The following PCDHGA3 variants were observed in gnomAD, a reference collection of about 807,000 sequenced individuals.
The protein encoded by PCDHGA3 is protocadherin gamma subfamily A, 3.
A neutral mutation model predicts 58.5 loss-of-function variants in PCDHGA3; 40 were observed. That is an observed-to-expected ratio of 0.68 (90% CI 0.53 to 0.89). PCDHGA3 has a LOEUF of 0.89. Among genes scored for constraint, PCDHGA3 ranks in the 40% least tolerant of loss-of-function variants. The probability of loss-of-function intolerance (pLI) is 0.00; values close to 1 mark genes in which losing one functional copy is unlikely to be tolerated. For synonymous variants in PCDHGA3, 530 were observed against 525.7 expected (o/e 1.01, Z -0.11); for missense variants, 1,223 against 1,195.9 (o/e 1.02, Z -0.33).
intron 1 of PCDHGA3, among the ~76,000 whole-genome samples, chr5:141,460,703 G>A (rs1009662968): frequency 6.6e-6 from 1 of 151,534 alleles, no homozygotes; most frequent in Non-Finnish European, 1.5e-5. Flanking sequence ...AGTTGAATGA[G>A]AATAAACTAT....
At position 141,511,423 on chromosome 5, in the gene PCDHGA3, A is replaced by G. The variant is rs1301463531; in HGVS notation, c.*250A>G. On this transcript the variant is annotated 3_prime_UTR_variant, in exon 4 of 4. Transcript: ENST00000253812. ...AATCAACTGCTGTACCCATGGGGGTAGTGGGGTTACTGTAGACACCAAGAA... is the reference window on the plus strand; with the variant it reads ...AATCAACTGCTGTACCCATGGGGGTGGTGGGGTTACTGTAGACACCAAGAA... 15 of 818,384 alleles carry G rather than the reference A, an allele frequency of 1.8e-5. No homozygotes were observed. Among genetic ancestry groups the G allele is most frequent in the East Asian group, 3.0e-5 (1 of 33,874 alleles). 50.7% of individuals were successfully genotyped at this position (818,384 alleles called of 1,614,324 possible). A position where few individuals can be genotyped will look rare whatever the true frequency, so the allele number is the denominator to read the frequency against.
At chr5:141,462,100 G>T (rs1202526885) in intron 1 of PCDHGA3, among the ~76,000 whole-genome samples, 1 of 152,164 alleles carries the variant, frequency 6.6e-6, no homozygotes, top group Non-Finnish European at 1.5e-5. Flanking sequence ...TGGGATTACA[G>T]GCATGAGCCA....
At chr5:141,496,583 C>A (rs990137003) in intron 2 of PCDHGA3, among the ~76,000 whole-genome samples, 1 of 152,168 alleles carries the variant, frequency 6.6e-6, no homozygotes, top group African/African-American at 2.4e-5. Flanking sequence ...TTTAGGAACG[C>A]AAAGCGCTTC....
At chr5:141,387,036 C>G (rs1026680473) in intron 1 of PCDHGA3, among the ~76,000 whole-genome samples, 1 of 152,116 alleles carries the variant, frequency 6.6e-6, no homozygotes, top group Non-Finnish European at 1.5e-5. Flanking sequence ...ATTTCATAAC[C>G]AGTAAAATAA....
chr5:141,433,076 C>T, intron 1 of PCDHGA3: 1 of 1,614,188 alleles, frequency 6.2e-7, no homozygotes, highest in Non-Finnish European at 8.5e-7. Context: ...CTTCCCCCAG[C>T]CCAACTATGC....
At chr5:141,360,727 C>T in intron 1 of PCDHGA3, 1 of 1,613,988 alleles carries the variant, frequency 6.2e-7, no homozygotes, top group Non-Finnish European at 8.5e-7. Context: ...GATTCTAAAA[C>T]ACTCTCTGGA....
intron 1 of PCDHGA3, chr5:141,399,525 C>G: frequency 6.2e-7 from 1 of 1,614,058 alleles, no homozygotes; most frequent in Non-Finnish European, 8.5e-7. Flanking sequence ...CTGGGGCCTC[C>G]ATCGCGCAAG....
intron 1 of PCDHGA3, chr5:141,371,616 G>A: frequency 6.2e-7 from 1 of 1,614,012 alleles, no homozygotes; most frequent in Non-Finnish European, 8.5e-7. Flanking sequence ...GGTGACAGAT[G>A]GAGCCCTGGA....
intron 1 of PCDHGA3, chr5:141,365,861 A>T (rs755321974): frequency 3.1e-6 from 5 of 1,613,912 alleles, no homozygotes; most frequent in Non-Finnish European, 4.2e-6. Context: ...TAACTCTGAC[A>T]CCGGTGTCCT....
At chr5:141,428,186 CCGCTCTCTGCGCCGCTA>C (rs1167279209) in intron 1 of PCDHGA3, 1 of 1,460,956 alleles carries the variant, frequency 6.8e-7, no homozygotes, top group Admixed American at 1.8e-5. Context: ...AGGACAGCCG[CCGCTCTCTGCGCCGCTA>C]CGCTTCACCT....
intron 1 of PCDHGA3, among the ~76,000 whole-genome samples, chr5:141,484,122 T>C (rs1343894991): frequency 6.6e-6 from 1 of 152,180 alleles, no homozygotes; most frequent in African/African-American, 2.4e-5. Context: ...CAAGAATACC[T>C]TGGTGTCAGA....
chr5:141,385,241 G>A lies in PCDHGA3; in HGVS notation c.2424+38784G>A, dbSNP rs749708848. ...CCCAACTATGTAGACATGCTCATCA[G>A]CCAGGAGAGCTGTGAGAAAAATGAT... On this transcript the variant is annotated intron_variant, in intron 1 of 3. Transcript: ENST00000253812. 9 of 1,613,904 alleles carry A rather than the reference G, an allele frequency of 5.6e-6. No homozygotes were observed. The Admixed American group carries it at 1.5e-4, about 27-fold the overall frequency.
In PCDHGA3 at chr5:141,345,674, G is replaced by T. The variant is rs2879225; in HGVS notation, c.1641G>T (p.Ser547=). 4 of 1,614,140 alleles carry T rather than the reference G, an allele frequency of 2.5e-6. No homozygotes were observed. In the East Asian group the frequency reaches 6.7e-5, roughly 27 times the overall value. The change falls in exon 1 of 4, where the codon TCG becomes TCT. Residue 547 remains serine (S), a synonymous_variant. Coordinates refer to ENST00000253812, the MANE Select transcript of PCDHGA3 (RefSeq NM_018916.4). The part of the protein sequence containing the change: ...SGNPPLSSNV[S]LNLFVLDQND... ...ACCCTCCACTCAGCAGCAACGTGTC[G>T]CTGAACCTGTTCGTGCTGGACCAGA...
chr5:141,408,728 C>A lies in PCDHGA3; in HGVS notation c.2424+62271C>A, dbSNP rs371316574. 3.7e-6 allele frequency: 6 copies of A among 1,610,174 alleles called. No individual in the cohort carries two copies. In the African/African-American group the frequency reaches 8.0e-5, roughly 22 times the overall value. ...TAAAGATTATAAGATAAACTCTAATCCTTATTTTTCATTAATGGTTAGAGT... is the reference window on the plus strand; with the variant it reads ...TAAAGATTATAAGATAAACTCTAATACTTATTTTTCATTAATGGTTAGAGT... On this transcript the variant is annotated intron_variant, in intron 1 of 3. Transcript: ENST00000253812.
intron 1 of PCDHGA3, chr5:141,360,392 T>C: frequency 6.2e-7 from 1 of 1,613,906 alleles, no homozygotes; most frequent in South Asian, 1.1e-5. Flanking sequence ...GACTTACTTG[T>C]GAGTGACAGA....
chr5:141,360,595 C>G, intron 1 of PCDHGA3: 2 of 1,614,022 alleles, frequency 1.2e-6, no homozygotes, highest in Non-Finnish European at 1.7e-6. Context: ...AACATTTCCA[C>G]TTGACCCAGC....
At chr5:141,360,775 G>T in intron 1 of PCDHGA3, 1 of 1,613,924 alleles carries the variant, frequency 6.2e-7, no homozygotes, top group South Asian at 1.1e-5. Flanking sequence ...GGTCCTCACA[G>T]CTGTGGATGG....
intron 1 of PCDHGA3, chr5:141,400,170 G>T (rs779918187): frequency 6.2e-7 from 1 of 1,614,066 alleles, no homozygotes; most frequent in Admixed American, 1.7e-5. Flanking sequence ...CTGACCCCCA[G>T]GCTGAGCTGC....
intron 1 of PCDHGA3, chr5:141,399,103 C>T (rs376000100): frequency 1.5e-5 from 25 of 1,613,604 alleles, no homozygotes; most frequent in East Asian, 6.7e-5. Context: ...ACTGGTTGCA[C>T]AATGTACAGT....
Sources: gnomAD v4.1 joint callset for allele counts (sites outside exome capture counted in the v4.1 genomes callset) on GRCh38, gnomAD v4.1.1 for gene constraint, MANE v1.5 for transcripts, NCBI Gene and HGNC (gene_info 2026-07-23, HGNC 2026-07-21) for gene names.